Variants in MSANTD2 observed in about 807,000 individuals in gnomAD.
MSANTD2 encodes myb/SANT-like DNA-binding domain-containing protein 2.
MSANTD2 carries 19 observed loss-of-function variants against 52.6 expected under a neutral mutation model. The ratio of observed to expected loss-of-function variants is 0.36; its 90% CI spans 0.25 to 0.53. MSANTD2 has a LOEUF of 0.53. Ranked by LOEUF, MSANTD2 falls within the 20% of genes least tolerant of loss-of-function variation. MSANTD2 has a pLI of 0.91. For synonymous variants in MSANTD2, 291 were observed against 289.7 expected (o/e 1.00, Z -0.04); for missense variants, 558 against 716.3 (o/e 0.78, Z 2.52).
chr11:124,774,734 T>C lies in MSANTD2; in HGVS notation c.751A>G (p.Thr251Ala), dbSNP rs1410551944. Reference protein sequence around the residue: ...NHSQDLHGYPTDQELDEIPVT... With the variant: ...NHSQDLHGYPADQELDEIPVT... ...GCTTTCTTACCCAATTCCTGATCTG[T>C]TGGATAGCCATGGAGATCCTGACTG... The change falls in exon 2 of 4, where the codon ACA (threonine) becomes GCA (alanine). Residue 251 changes from threonine to alanine, a missense_variant. Physicochemically the swap from Thr to Ala is moderately conservative, Grantham distance 58. Coordinates refer to ENST00000374979, the MANE Select transcript of MSANTD2 (RefSeq NM_001308027.2). This position sits in a 1 kb window ranked among gnomAD's most constrained non-coding sequence, Gnocchi z 5.1. 1 of 1,614,168 alleles carries C rather than the reference T, an allele frequency of 6.2e-7. No individual in the cohort carries two copies. Among genetic ancestry groups the C allele is most frequent in the Non-Finnish European group, 8.5e-7 (1 of 1,180,024 alleles).
At chr11:124,773,171 C>G in intron 2 of MSANTD2, 117 bp from the exon 3 acceptor site, 1 of 641,890 alleles carries the variant, frequency 1.6e-6, no homozygotes, top group Non-Finnish European at 2.8e-6. Context: ...GGCTTTTATT[C>G]TAGTGTCAAA....
rs1050486214 is a variant in MSANTD2, at chr11:124,772,730, G to A, written c.827+264C>T. 5.2e-5 allele frequency among the ~76,000 whole-genome samples: 6 copies of A among 114,898 alleles called. 1 individual carries two copies. The highest frequency in any genetic ancestry group is 1.7e-4 in the African/African-American group (5 of 29,114). The allele number at this position is 114,898 out of a possible 152,430, so 75.4% of individuals were successfully genotyped here. ...CCAGCCTGGGTGACAGAGCGAGAGC[G>A]AGATTCCGTCTCAAAAAAAAAAAAA... On this transcript the variant is annotated intron_variant, in intron 3 of 3. Transcript: ENST00000374979.
At chr11:124,790,104 G>A (rs1464747024) in intron 1 of MSANTD2, 1 of 152,158 alleles carries the variant, frequency 6.6e-6, no homozygotes, top group Non-Finnish European at 1.5e-5. Flanking sequence ...CTACGTTAAC[G>A]TAACACTAGG....
chr11:124,785,933 T>C (rs1475375979), intron 1 of MSANTD2, among the ~76,000 whole-genome samples: 1 of 151,876 alleles, frequency 6.6e-6, no homozygotes, highest in African/African-American at 2.4e-5. Flanking sequence ...GTTTCAAAAC[T>C]AAGACCTGGT....
In MSANTD2 at chr11:124,769,381, C is replaced by T. The variant is rs572826172; in HGVS notation, c.828-1353G>A. Reference sequence around the variant, plus strand: ...AGTGGCTATCTAGATGAAATCACTACCTTCTCAGGGAATTATTCCTCTTCT... The same window carrying T: ...AGTGGCTATCTAGATGAAATCACTATCTTCTCAGGGAATTATTCCTCTTCT... On this transcript the variant is annotated intron_variant, in intron 3 of 3. Transcript: ENST00000374979. 9.2e-5 allele frequency among the ~76,000 whole-genome samples: 14 copies of T among 152,302 alleles called. No individual in the cohort carries two copies. In the South Asian group the frequency reaches 2.7e-3, roughly 29 times the overall value.
At chr11:124,787,251 G>A (rs191941962) in intron 1 of MSANTD2, among the ~76,000 whole-genome samples, 166 of 152,298 alleles carry the variant, frequency 1.1e-3, no homozygotes, top group African/African-American at 3.6e-3. Flanking sequence ...ACACGGGTAG[G>A]AATAACATGT....
At position 124,786,276 on chromosome 11, in the gene MSANTD2, TTC is replaced by T. The variant is rs564080488; in HGVS notation, c.511-11304_511-11303del. Among the ~76,000 whole-genome samples, 520 of 152,210 alleles carry T rather than the reference TTC, an allele frequency of 3.4e-3. 3 individuals carry two copies. Among genetic ancestry groups the T allele is most frequent in the Non-Finnish European group, 5.7e-3 (386 of 68,008 alleles). On this transcript the variant is annotated intron_variant, in intron 1 of 3. Coordinates refer to ENST00000374979, the MANE Select transcript of MSANTD2 (RefSeq NM_001308027.2). ...AGTGCACCACCACGCCAAGCTGGCA[TTC>T]TCTGTTTTCTTATTTCCTGATTCTA...
intron 1 of MSANTD2, chr11:124,791,230 A>T: frequency 7.1e-7 from 1 of 1,403,252 alleles, no homozygotes; most frequent in Non-Finnish European, 1.0e-6. Context: ...ATCATTGACC[A>T]TCAATGGGGT....
chr11:124,785,468 G>C (rs1209041679), intron 1 of MSANTD2, among the ~76,000 whole-genome samples: 1 of 152,260 alleles, frequency 6.6e-6, no homozygotes, highest in Non-Finnish European at 1.5e-5. Flanking sequence ...TGCAACAGCA[G>C]CCTCTGCTAA....
intron 1 of MSANTD2, among the ~76,000 whole-genome samples, chr11:124,794,195 T>C (rs574871621): frequency 6.6e-6 from 1 of 152,344 alleles, no homozygotes; most frequent in East Asian, 1.9e-4. Flanking sequence ...AAATTATTTT[T>C]TCCTTTAACA....
At chr11:124,795,540 T>C (rs1411521328) in intron 1 of MSANTD2, among the ~76,000 whole-genome samples, 1 of 152,228 alleles carries the variant, frequency 6.6e-6, no homozygotes, top group Non-Finnish European at 1.5e-5. Context: ...TAGTCTGCTT[T>C]AGGCAAATAA....
At chr11:124,799,549 C>A (rs933862102) in intron 1 of MSANTD2, among the ~76,000 whole-genome samples, 1 of 152,194 alleles carries the variant, frequency 6.6e-6, no homozygotes, top group Non-Finnish European at 1.5e-5. Flanking sequence ...GCGGTGGGGG[C>A]AAGAGGCGCC....
At chr11:124,782,046 T>C (rs185782922) in intron 1 of MSANTD2, among the ~76,000 whole-genome samples, 7 of 152,366 alleles carry the variant, frequency 4.6e-5, no homozygotes, top group Admixed American at 6.5e-5. Flanking sequence ...CCTGCTGATA[T>C]CACTGTCTTT....
intron 1 of MSANTD2, among the ~76,000 whole-genome samples, chr11:124,778,040 A>G (rs1476606308): frequency 6.6e-6 from 1 of 152,226 alleles, no homozygotes; most frequent in African/African-American, 2.4e-5. Flanking sequence ...ACAATAAAGC[A>G]AAAGAGGTTA....
chr11:124,789,606 G>A (rs1945267577), intron 1 of MSANTD2: 1 of 151,974 alleles, frequency 6.6e-6, no homozygotes, highest in Non-Finnish European at 1.5e-5. Context: ...AAGTGAAAAG[G>A]TAACACTCAC....
At chr11:124,784,051 G>T (rs1257228014) in intron 1 of MSANTD2, 2 of 984,832 alleles carry the variant, frequency 2.0e-6, no homozygotes, top group Admixed American at 1.2e-4. Context: ...AAAAAAGTAG[G>T]GTATACTGAA....
rs1353133211 is a variant in MSANTD2, at chr11:124,774,064, A to G, written c.766+655T>C. ...CCCTACAAGTTTAGATTTGATGACC[A>G]GGAATTTTATTTTCCATTTTTAATG... On this transcript the variant is annotated intron_variant, in intron 2 of 3. Coordinates refer to ENST00000374979, the MANE Select transcript of MSANTD2 (RefSeq NM_001308027.2). The surrounding 1 kb of genome is among the most constrained non-coding windows in gnomAD (Gnocchi z 5.1). Among the ~76,000 whole-genome samples, 4 of 152,258 alleles carry G rather than the reference A, an allele frequency of 2.6e-5. No individual in the cohort carries two copies. The highest frequency in any genetic ancestry group is 9.6e-5 in the African/African-American group (4 of 41,472).
chr11:124,799,973 G>C lies in MSANTD2; in HGVS notation c.408C>G (p.Phe136Leu). Residue 136 changes from phenylalanine to leucine, a missense_variant, in exon 1 of 4, where the codon TTC becomes TTG. Coordinates refer to ENST00000374979, the MANE Select transcript of MSANTD2 (RefSeq NM_001308027.2). The part of the protein sequence containing the change: ...YQQLEGAGTV[F>L]GSKAPGPAMY... ...TGGCTGGCCCGGGGGCCTTGCTGCC[G>C]AACACCGTGCCGGCTCCCTCCAGCT... 6.3e-7 allele frequency: 1 copy of C among 1,585,148 alleles called. No homozygotes were observed. Among genetic ancestry groups the C allele is most frequent in the Non-Finnish European group, 8.5e-7 (1 of 1,174,796 alleles).
chr11:124,796,104 A>G (rs940966555), intron 1 of MSANTD2, among the ~76,000 whole-genome samples: 1 of 152,222 alleles, frequency 6.6e-6, no homozygotes, highest in Non-Finnish European at 1.5e-5. Context: ...GTTCATTTAG[A>G]CAGTATTAAA....
Sources: gnomAD v4.1 joint callset for allele counts (sites outside exome capture counted in the v4.1 genomes callset) on GRCh38, gnomAD v4.1.1 for gene constraint, Gnocchi (gnomAD v3.1) non-coding constraint, MANE v1.5 for transcripts, NCBI Gene and HGNC (gene_info 2026-07-23, HGNC 2026-07-21) for gene names.